The following SLC12A5 variants were observed in gnomAD, a reference collection of about 807,000 sequenced individuals.
SLC12A5 encodes solute carrier family 12 member 5.
In SLC12A5, 18 loss-of-function variants were observed where a neutral mutation model predicts 124.0. The ratio of observed to expected loss-of-function variants is 0.15; its 90% CI spans 0.10 to 0.22. SLC12A5 has a LOEUF of 0.22. SLC12A5 is among the 10% of genes least tolerant of loss of function. The probability of loss-of-function intolerance (pLI) is 1.00; values close to 1 mark genes in which losing one functional copy is unlikely to be tolerated. For synonymous variants in SLC12A5, 589 were observed against 568.0 expected (o/e 1.04, Z -0.53); for missense variants, 867 against 1,478.7 (o/e 0.59, Z 6.78).
chr20:46,035,145 C>A, intron 2 of SLC12A5, 103 bp downstream of exon 2: 1 of 1,227,836 alleles, frequency 8.1e-7, no homozygotes, highest in Non-Finnish European at 1.2e-6. Context: ...CGTCTCCACC[C>A]CTCCCTTGAG....
In SLC12A5 at chr20:46,032,912, CAAAG is replaced by C. The variant is rs2084466241; in HGVS notation, c.53-2034_53-2031del. Among the ~76,000 whole-genome samples the C allele has an allele frequency of 5.3e-5, 8 of 152,310 alleles. No individual in the cohort carries two copies. The South Asian group carries it at 1.7e-3, about 32-fold the overall frequency. On this transcript the variant is annotated intron_variant, in intron 1 of 25. Coordinates refer to ENST00000243964, the MANE Select transcript of SLC12A5 (RefSeq NM_020708.5). ...AAGGGAGCCCTGGAGAACTTAGCTC[CAAAG>C]ACTTTTCCTGAGCACCTATTATGTG...
chr20:46,041,110 A>G (rs1168140907), intron 7 of SLC12A5: 1 of 509,016 alleles, frequency 2.0e-6, no homozygotes, highest in Non-Finnish European at 3.5e-6. Flanking sequence ...GCATTGCACT[A>G]ATGCGGTGCT....
chr20:46,034,751 C>T (rs111385401), intron 1 of SLC12A5, among the ~76,000 whole-genome samples, 197 bp from the exon 2 acceptor site: 6 of 152,134 alleles, frequency 3.9e-5, no homozygotes, highest in Admixed American at 1.3e-4. Flanking sequence ...TCTGTTAATA[C>T]GCAGTGCATA....
chr20:46,021,854 AC>A lies in SLC12A5; in HGVS notation c.21del (p.Arg8AlafsTer70). 16 of 1,527,506 alleles carry A rather than the reference AC, an allele frequency of 1.0e-5. No individual in the cohort carries two copies. The highest frequency in any genetic ancestry group is 1.4e-5 in the Non-Finnish European group (16 of 1,143,756). The allele number at this position is 1,527,506 out of a possible 1,614,324, so 94.6% of individuals were successfully genotyped here. On this transcript the variant is annotated frameshift_variant, in exon 1 of 3. Transcript: ENST00000413737. LOFTEE classifies it high-confidence loss of function. ...GAGTCCCGCCGGCATTCGGTCGCAG[AC>A]CCCCGCCACCTCCCGGGGGAAGACG... is the stretch of plus-strand genomic sequence containing the variant.
In SLC12A5 at chr20:46,059,136, G is replaced by A; in HGVS notation, c.*1531G>A. 1 of 215,494 alleles carries A rather than the reference G, an allele frequency of 4.6e-6. No homozygotes were observed. The highest frequency in any genetic ancestry group is 9.1e-6 in the Non-Finnish European group (1 of 110,400). 13.3% of individuals were successfully genotyped at this position (215,494 alleles called of 1,614,324 possible). A position where few individuals can be genotyped will look rare whatever the true frequency, so the allele number is the denominator to read the frequency against. On this transcript the variant is annotated 3_prime_UTR_variant, in exon 26 of 26. Coordinates refer to ENST00000243964, the MANE Select transcript of SLC12A5 (RefSeq NM_020708.5). The stretch of plus-strand genomic sequence containing the variant: ...CACATTACTAAGGGGGTCAGGCACT[G>A]CATGCTCGTTCCAGCACCATCTGGG...
Position 46,059,394 on chromosome 20 carries a change from G to T in SLC12A5, c.*1789G>T. 1 of 395,122 alleles carries T rather than the reference G, an allele frequency of 2.5e-6. No individual in the cohort carries two copies. Among genetic ancestry groups the T allele is most frequent in the Non-Finnish European group, 4.5e-6 (1 of 224,412 alleles). The allele number at this position is 395,122 out of a possible 1,614,324, so 24.5% of individuals were successfully genotyped here. ...CCTCTGAGATTCGATCAGGGGACTG[G>T]ATAGATTCTTTCAGGTACTCAATCA... On this transcript the variant is annotated 3_prime_UTR_variant, in exon 26 of 26. Transcript: ENST00000243964.
chr20:46,056,290 T>G lies in SLC12A5; in HGVS notation c.2910+18T>G, dbSNP rs1447394723. On this transcript the variant is annotated intron_variant, in intron 22 of 25. Transcript: ENST00000243964. The surrounding 1 kb of genome is among the most constrained non-coding windows in gnomAD (Gnocchi z 4.3). ...AGGAGGAGGTGTGCAGCTTGGGTGGTTTGGCCCCAACCAGTGGGAGCAGAG... is the reference window on the plus strand; with the variant it reads ...AGGAGGAGGTGTGCAGCTTGGGTGGGTTGGCCCCAACCAGTGGGAGCAGAG... 2.5e-5 allele frequency: 41 copies of G among 1,613,798 alleles called. No individual in the cohort carries two copies. The highest frequency in any genetic ancestry group is 3.5e-5 in the Non-Finnish European group (41 of 1,179,886).
intron 1 of SLC12A5, among the ~76,000 whole-genome samples, chr20:46,032,771 T>C (rs2084465156): frequency 6.6e-6 from 1 of 152,142 alleles, no homozygotes; most frequent in Non-Finnish European, 1.5e-5. Context: ...CAGTCTCTAG[T>C]CCACACCATG....
chr20:46,033,144 A>G (rs535761043), intron 1 of SLC12A5, among the ~76,000 whole-genome samples: 1 of 152,306 alleles, frequency 6.6e-6, no homozygotes, highest in South Asian at 2.1e-4. Flanking sequence ...GATTGGTTTT[A>G]TAACAGAGAC....
chr20:46,026,025 A>G (rs529482782), upstream of SLC12A5, among the ~76,000 whole-genome samples: 4 of 152,298 alleles, frequency 2.6e-5, no homozygotes, highest in South Asian at 8.3e-4. Context: ...GGTTCAGTGG[A>G]TGGAGTCCCG....
Position 46,053,516 on chromosome 20 carries a change from G to A in SLC12A5, c.2548-62G>A. On this transcript the variant is annotated intron_variant, in intron 19 of 25. Transcript: ENST00000243964. The surrounding 1 kb of genome is among the most constrained non-coding windows in gnomAD (Gnocchi z 4.7). ...GGGGAAGGGTGAGCGGACAGGGCCT[G>A]GCCCTGGATCTCCTCATCACATCTG... 6.2e-7 allele frequency: 1 copy of A among 1,602,300 alleles called. No homozygotes were observed.
At position 46,043,340 on chromosome 20, in the gene SLC12A5, A is replaced by G. The variant is rs778108662; in HGVS notation, c.1237+17A>G. On this transcript the variant is annotated intron_variant, in intron 9 of 25. Transcript: ENST00000243964. ...CAGTCACAGGTGAAGGGGAGCTCAG[A>G]GAGGGAAGACTCTGCCTGTGAGTGG... is the stretch of plus-strand genomic sequence containing the variant. 53 of 1,611,862 alleles carry G rather than the reference A, an allele frequency of 3.3e-5. 1 individual carries two copies. Among genetic ancestry groups the G allele is most frequent in the Non-Finnish European group, 3.9e-5 (46 of 1,178,356 alleles).
chr20:46,035,174 C>A, intron 2 of SLC12A5, 132 bp downstream of exon 2: 1 of 1,029,378 alleles, frequency 9.7e-7, no homozygotes, highest in Non-Finnish European at 1.5e-6. Context: ...CTTCCTTGAG[C>A]CTCCCCATCC....
intron 2 of SLC12A5, chr20:46,023,311 C>T (rs2084371653): frequency 2.5e-6 from 1 of 398,462 alleles, no homozygotes; most frequent in Admixed American, 4.4e-5. Flanking sequence ...ACCAGCCTCC[C>T]AGATTTGAAA....
chr20:46,035,711 G>A lies in SLC12A5; in HGVS notation c.280-66G>A, dbSNP rs1292978521. On this transcript the variant is annotated intron_variant, in intron 3 of 25. Transcript: ENST00000243964. ...AAGGTGGGGGCAGAGAAACATGGAGGAGGAGCACACCTGGGGTGTTCGTAA... is the reference window on the plus strand; with the variant it reads ...AAGGTGGGGGCAGAGAAACATGGAGAAGGAGCACACCTGGGGTGTTCGTAA... 3.8e-6 allele frequency: 6 copies of A among 1,559,018 alleles called. No individual in the cohort carries two copies. In the South Asian group the frequency reaches 6.0e-5, roughly 16 times the overall value.
intron 17 of SLC12A5, 73 bp downstream of exon 17, chr20:46,049,863 T>G (rs2084632848): frequency 1.4e-6 from 2 of 1,445,770 alleles, no homozygotes. Flanking sequence ...CCTTTTGTAC[T>G]TTCCTTCCTC....
intron 1 of SLC12A5, among the ~76,000 whole-genome samples, chr20:46,034,300 C>T (rs1046143553): frequency 1.6e-4 from 25 of 152,232 alleles, no homozygotes; most frequent in African/African-American, 4.3e-4. Context: ...CCAATCTGGG[C>T]TGGATGCCTC....
At chr20:46,029,475 GC>G in intron 1 of SLC12A5, 79 bp downstream of exon 1, 1 of 1,453,648 alleles carries the variant, frequency 6.9e-7, no homozygotes, top group South Asian at 1.3e-5. Context: ...CGGAGCGGGG[GC>G]CACCTCCTTC....
chr20:46,027,685 G>A (rs1019552397), upstream of SLC12A5: 2 of 152,316 alleles, frequency 1.3e-5, no homozygotes, highest in Non-Finnish European at 2.9e-5. Flanking sequence ...AGAGGCTGCT[G>A]AGGGGCATGG....
Sources: gnomAD v4.1 joint callset for allele counts (sites outside exome capture counted in the v4.1 genomes callset) on GRCh38, gnomAD v4.1.1 for gene constraint, Gnocchi (gnomAD v3.1) non-coding constraint, MANE v1.5 for transcripts, NCBI Gene and HGNC (gene_info 2026-07-23, HGNC 2026-07-21) for gene names.